Variants in IL23R observed in about 807,000 individuals in gnomAD.
IL23R encodes the protein interleukin 23 receptor.
In IL23R, 34 loss-of-function variants were observed where a neutral mutation model predicts 56.9. The ratio of observed to expected loss-of-function variants is 0.60; its 90% CI spans 0.45 to 0.80. The LOEUF (loss-of-function observed/expected upper bound fraction) is 0.80, where lower values mean the gene tolerates loss of function less well. Among genes scored for constraint, IL23R ranks in the 30% least tolerant of loss-of-function variants. The pLI, the probability that IL23R is intolerant of heterozygous loss-of-function variation, is 0.00. For synonymous variants in IL23R, 230 were observed against 249.2 expected (o/e 0.92, Z 0.73); for missense variants, 635 against 730.0 (o/e 0.87, Z 1.50).
chr1:67,181,320 C>T lies in IL23R; in HGVS notation c.368-1516C>T, dbSNP rs544985370. Among the ~76,000 whole-genome samples, 6 of 152,298 alleles carry T rather than the reference C, an allele frequency of 3.9e-5. No homozygotes were observed. The East Asian group carries it at 1.2e-3, about 29-fold the overall frequency. ...CACATAGTCCCGTATTTCTTGGAGGCTTTGTTCATTTCTTTTTATTCTTTT... is the reference window on the plus strand; with the variant it reads ...CACATAGTCCCGTATTTCTTGGAGGTTTTGTTCATTTCTTTTTATTCTTTT... On this transcript the variant is annotated intron_variant, in intron 3 of 10. Coordinates refer to ENST00000347310, the MANE Select transcript of IL23R (RefSeq NM_144701.3).
intron 3 of IL23R, among the ~76,000 whole-genome samples, chr1:67,173,597 C>T (rs1646971836): frequency 6.6e-6 from 1 of 152,148 alleles, no homozygotes; most frequent in Non-Finnish European, 1.5e-5. Context: ...TCCATTGTAA[C>T]TCAATGCTAC....
intron 6 of IL23R, among the ~76,000 whole-genome samples, chr1:67,210,645 A>G (rs531753782): frequency 6.6e-6 from 1 of 151,540 alleles, no homozygotes; most frequent in Admixed American, 6.6e-5. Flanking sequence ...TTTTATTTTT[A>G]TTTTTTTGTA....
At chr1:67,262,241 A>G (rs954585268), downstream of IL23R, among the ~76,000 whole-genome samples, 2 of 152,200 alleles carry the variant, frequency 1.3e-5, no homozygotes, top group African/African-American at 4.8e-5. Context: ...TGGGGCTTAT[A>G]TCCTAGGGGG....
chr1:67,254,849 A>C (rs1036705663), intron 9 of IL23R, among the ~76,000 whole-genome samples: 8 of 152,218 alleles, frequency 5.3e-5, no homozygotes, highest in Non-Finnish European at 1.2e-4. Flanking sequence ...GGCAGTGCTA[A>C]TAGATAGCTT....
chr1:67,169,209 T>G, intron 2 of IL23R, 133 bp from the exon 3 acceptor site: 1 of 647,776 alleles, frequency 1.5e-6, no homozygotes, highest in South Asian at 1.9e-5. Flanking sequence ...AAGATACATC[T>G]AGTCCTAAAA....
At chr1:67,142,819 T>G (rs530377639) in intron 1 of IL23R, among the ~76,000 whole-genome samples, 11 of 152,274 alleles carry the variant, frequency 7.2e-5, no homozygotes, top group Admixed American at 2.0e-4. Flanking sequence ...CCACCCACCT[T>G]GGCCTCCCAA....
chr1:67,196,471 T>G (rs993264240), intron 4 of IL23R, among the ~76,000 whole-genome samples: 1 of 152,154 alleles, frequency 6.6e-6, no homozygotes, highest in African/African-American at 2.4e-5. Flanking sequence ...GCCCAGAAAG[T>G]CAAGGCTGCA....
chr1:67,186,263 C>T lies in IL23R; in HGVS notation c.491+3304C>T, dbSNP rs183020189. ...AGTGTCTTGAGGATCTTCACTATCT[C>T]CCAGAACCTGGAAGGATCTCCTGAA... On this transcript the variant is annotated intron_variant, in intron 4 of 10. Transcript: ENST00000347310. Among the ~76,000 whole-genome samples, 1,475 of 152,294 alleles carry T rather than the reference C, an allele frequency of 9.7e-3. 12 individuals are homozygous for T. Among genetic ancestry groups the T allele is most frequent in the Middle Eastern group, 0.02 (6 of 294 alleles).
At chr1:67,187,748 T>C (rs1263713225) in intron 4 of IL23R, among the ~76,000 whole-genome samples, 1 of 152,198 alleles carries the variant, frequency 6.6e-6, no homozygotes, top group Non-Finnish European at 1.5e-5. Flanking sequence ...CAGTCAGGTG[T>C]CTTTTATGAT....
chr1:67,163,468 CAAAAAAAAAAAA>C (rs57495148), upstream of IL23R, among the ~76,000 whole-genome samples: 3 of 49,586 alleles, frequency 6.1e-5, no homozygotes, highest in Admixed American at 3.3e-4. Flanking sequence ...GACCCTGTCT[CAAAAAAAAAAAA>C]AAAAAAAAAA....
intron 4 of IL23R, among the ~76,000 whole-genome samples, chr1:67,192,177 G>C (rs369930436): frequency 6.6e-6 from 1 of 152,208 alleles, no homozygotes; most frequent in Non-Finnish European, 1.5e-5. Context: ...CAAAGCCAGA[G>C]TGATTGTCAA....
intron 4 of IL23R, among the ~76,000 whole-genome samples, chr1:67,192,274 T>C (rs1209279446): frequency 6.6e-6 from 1 of 152,222 alleles, no homozygotes; most frequent in Non-Finnish European, 1.5e-5. Flanking sequence ...TGTCTAGTGA[T>C]AAACCTTATC....
intron 7 of IL23R, among the ~76,000 whole-genome samples, chr1:67,221,400 AGC>A (rs1650244708): frequency 6.6e-6 from 1 of 152,186 alleles, no homozygotes. Context: ...CTATATGTAA[AGC>A]AATCAGAAAG....
intron 4 of IL23R, among the ~76,000 whole-genome samples, chr1:67,194,206 A>G (rs1647958791): frequency 6.6e-6 from 1 of 152,064 alleles, no homozygotes; most frequent in Non-Finnish European, 1.5e-5. Flanking sequence ...TTCATTACAT[A>G]AGCACGGTTC....
rs762182701 is a variant in IL23R, at chr1:67,182,709, G to A, written c.368-127G>A. 53 of 954,092 alleles carry A rather than the reference G, an allele frequency of 5.6e-5. 1 individual carries two copies. Among genetic ancestry groups the A allele is most frequent in the African/African-American group, 9.7e-5 (6 of 61,912 alleles). 59.1% of individuals were successfully genotyped at this position (954,092 alleles called of 1,614,324 possible). The stretch of plus-strand genomic sequence containing the variant: ...TACCTCAGTTGGAAATGAAGAAATC[G>A]TTCGTCTTCTGCATCATTCACGCTG... On this transcript the variant is annotated intron_variant, in intron 3 of 10. Coordinates refer to ENST00000347310, the MANE Select transcript of IL23R (RefSeq NM_144701.3).
chr1:67,157,188 C>G (rs961226490), intron 1 of IL23R, among the ~76,000 whole-genome samples: 37 of 152,178 alleles, frequency 2.4e-4, no homozygotes, highest in Non-Finnish European at 3.1e-4. Flanking sequence ...CAGAAATCAC[C>G]CGCCTTCTGC....
intron 3 of IL23R, among the ~76,000 whole-genome samples, chr1:67,180,466 T>G (rs10100020): frequency 2.6e-5 from 4 of 152,120 alleles, no homozygotes; most frequent in Admixed American, 6.5e-5. Flanking sequence ...GTTTTCCATT[T>G]GCTTGGTAGA....
At chr1:67,251,160 G>C (rs938838131) in intron 9 of IL23R, among the ~76,000 whole-genome samples, 2 of 152,046 alleles carry the variant, frequency 1.3e-5, no homozygotes, top group Non-Finnish European at 2.9e-5. Context: ...AAAAAGGAAA[G>C]ACATAAATGT....
At position 67,246,834 on chromosome 1, in the gene IL23R, G is replaced by C. The variant is rs556364871; in HGVS notation, c.1148+6553G>C. ...CTGTAGATGTCTATAGGTCCCACTT[G>C]GTCCAGAGCTGAGTTCAAGTCCTGG... On this transcript the variant is annotated intron_variant, in intron 9 of 10. Transcript: ENST00000347310. Among the ~76,000 whole-genome samples the C allele has an allele frequency of 5.8e-4, 88 of 152,256 alleles. 1 individual carries two copies. The highest frequency in any genetic ancestry group is 2.1e-3 in the African/African-American group (87 of 41,554).
Sources: gnomAD v4.1 joint callset for allele counts (sites outside exome capture counted in the v4.1 genomes callset) on GRCh38, gnomAD v4.1.1 for gene constraint, MANE v1.5 for transcripts, NCBI Gene and HGNC (gene_info 2026-07-23, HGNC 2026-07-21) for gene names.